Variants in PSD3 observed in about 807,000 individuals in gnomAD.
PSD3 encodes the protein PH and SEC7 domain-containing protein 3.
A neutral mutation model predicts 105.5 loss-of-function variants in PSD3; 49 were observed. The observed-to-expected ratio is 0.46, with a 90% confidence interval of 0.37 to 0.59. PSD3 has a LOEUF of 0.59. Among genes scored for constraint, PSD3 ranks in the 20% least tolerant of loss-of-function variants. PSD3 has a pLI of 0.00. For missense variants in PSD3, 1,561 were observed against 1,263.8 expected, an observed-to-expected ratio of 1.24 and a Z score of -3.57; for synonymous variants, 557 against 457.8, an observed-to-expected ratio of 1.22 and a Z score of -2.77.
At chr8:18,730,243 G>C (rs2129430882) in intron 9 of PSD3, 1 of 152,292 alleles carries the variant, frequency 6.6e-6, no homozygotes, top group East Asian at 1.9e-4. Flanking sequence ...ATGAGGACCT[G>C]ACCTTCTAGG....
At chr8:19,033,233 A>G (rs1248877614) in intron 1 of PSD3, among the ~76,000 whole-genome samples, 1 of 149,812 alleles carries the variant, frequency 6.7e-6, no homozygotes, top group Non-Finnish European at 1.5e-5. Flanking sequence ...AAAGATACAC[A>G]ACCAACATTT....
chr8:18,535,857 C>T lies in PSD3; in HGVS notation c.3030G>A (p.Ser1010=), dbSNP rs547134848. 22 of 1,614,118 alleles carry T rather than the reference C, an allele frequency of 1.4e-5. No individual in the cohort carries two copies. Among genetic ancestry groups the T allele is most frequent in the East Asian group, 2.2e-5 (1 of 44,882 alleles). Residue 1010 remains serine (S), a synonymous_variant, in exon 16 of 16, where the codon TCG becomes TCA. Coordinates refer to ENST00000327040, the MANE Select transcript of PSD3 (RefSeq NM_015310.4). The part of the protein sequence containing the change: ...SEAAGLKKSH[S]SPSLNPDTSP... ...AAGTATCCGGGTTCAGCGAAGGACT[C>T]GAGTGCGACTTCTTCAGTCCTGCAG...
chr8:18,640,585 T>C (rs1198238672), intron 10 of PSD3, among the ~76,000 whole-genome samples: 1 of 152,132 alleles, frequency 6.6e-6, no homozygotes, highest in Non-Finnish European at 1.5e-5. Flanking sequence ...CGTGTTTCCT[T>C]CCCCTTCTGC....
intron 4 of PSD3, among the ~76,000 whole-genome samples, chr8:18,846,546 A>G (rs1163664785): frequency 6.6e-6 from 1 of 152,220 alleles, no homozygotes; most frequent in Non-Finnish European, 1.5e-5. Context: ...GGGAGGTTGT[A>G]TTCCTGGCAG....
chr8:18,575,006 C>G (rs2130356032), intron 13 of PSD3, 122 bp downstream of exon 13: 2 of 927,990 alleles, frequency 2.2e-6, no homozygotes, highest in South Asian at 2.5e-5. Context: ...CTAATGTAAG[C>G]AGTTGATGAC....
chr8:19,021,465 G>A (rs942593418), intron 1 of PSD3, among the ~76,000 whole-genome samples: 2 of 150,578 alleles, frequency 1.3e-5, no homozygotes, highest in African/African-American at 4.9e-5. Context: ...CATAAATAAT[G>A]ACGTCTGGAA....
Position 18,872,520 on chromosome 8 carries a change from C to T in PSD3, c.344G>A (p.Arg115Lys), listed in dbSNP as rs118013117. 22 of 1,613,966 alleles carry T rather than the reference C, an allele frequency of 1.4e-5. No homozygotes were observed. Among genetic ancestry groups the T allele is most frequent in the Non-Finnish European group, 1.7e-5 (20 of 1,180,012 alleles). ...DSVTEGPKDV[R>K]EAPSQSHLKE... ...GAGATGACTTTGAGAGGGGGCCTCT[C>T]TGACATCTTTTGGTCCTTCTGTAAC... Residue 115 changes from arginine to lysine, a missense_variant, in exon 3 of 16, where the codon AGA becomes AAA. Arg to Lys is a conservative substitution (Grantham distance 26). Coordinates refer to ENST00000327040, the MANE Select transcript of PSD3 (RefSeq NM_015310.4).
At chr8:18,595,823 C>T (rs1374426820) in intron 12 of PSD3, among the ~76,000 whole-genome samples, 1 of 151,868 alleles carries the variant, frequency 6.6e-6, no homozygotes, top group African/African-American at 2.4e-5. Flanking sequence ...TTTCCACTCC[C>T]CACTCTCTAT....
At chr8:18,931,342 G>A (rs1162715042) in intron 2 of PSD3, among the ~76,000 whole-genome samples, 4 of 151,804 alleles carry the variant, frequency 2.6e-5, no homozygotes, top group Admixed American at 1.3e-4. Context: ...AAAAAAACAG[G>A]TAATTTTTAA....
intron 9 of PSD3, among the ~76,000 whole-genome samples, chr8:18,736,369 T>G (rs1435217825): frequency 6.6e-6 from 1 of 152,192 alleles, no homozygotes; most frequent in Non-Finnish European, 1.5e-5. Context: ...TTAATATATT[T>G]AAACACTAGA....
At chr8:19,000,777 A>G (rs2898484) in intron 1 of PSD3, 106,223 of 151,688 alleles carry the variant, frequency 0.7, 38,024 homozygotes, top group East Asian at 0.91. Context: ...CGTTAGACGA[A>G]GCTAAATATC....
chr8:18,975,068 T>C (rs1301905212), intron 1 of PSD3, among the ~76,000 whole-genome samples: 2 of 152,090 alleles, frequency 1.3e-5, no homozygotes, highest in Non-Finnish European at 2.9e-5. Flanking sequence ...GAGGTTTCAC[T>C]CCCTGCAGTG....
chr8:18,757,462 GCAAACAAA>G (rs200735183), intron 9 of PSD3, among the ~76,000 whole-genome samples: 14 of 151,876 alleles, frequency 9.2e-5, no homozygotes, highest in Admixed American at 9.2e-4. Flanking sequence ...AGACTCCGTT[GCAAACAAA>G]CAAACAAACA....
At chr8:18,625,417 GA>G in intron 11 of PSD3, among the ~76,000 whole-genome samples, 1 of 152,192 alleles carries the variant, frequency 6.6e-6, no homozygotes, top group Admixed American at 6.5e-5. Context: ...AATGTATGAG[GA>G]AGTTTGGTAT....
At chr8:18,859,027 T>C (rs1248271015) in intron 4 of PSD3, among the ~76,000 whole-genome samples, 1 of 152,138 alleles carries the variant, frequency 6.6e-6, no homozygotes, top group Non-Finnish European at 1.5e-5. Context: ...TCACTATCTA[T>C]AGTGACTACA....
intron 9 of PSD3, among the ~76,000 whole-genome samples, chr8:18,683,385 A>G (rs1800489840): frequency 6.6e-6 from 1 of 152,232 alleles, no homozygotes; most frequent in Non-Finnish European, 1.5e-5. Context: ...TAACTGAAAG[A>G]TAAAATCATA....
chr8:18,998,945 A>G (rs1417280017), intron 1 of PSD3, among the ~76,000 whole-genome samples: 1 of 151,986 alleles, frequency 6.6e-6, no homozygotes, highest in Admixed American at 6.6e-5. Flanking sequence ...GTAGATGGAC[A>G]TGGTGGGTCC....
chr8:18,658,724 G>C (rs554221763), intron 9 of PSD3, among the ~76,000 whole-genome samples: 8 of 152,158 alleles, frequency 5.3e-5, no homozygotes, highest in Admixed American at 1.3e-4. Context: ...CTACAGATTA[G>C]TTAAGATTTC....
At chr8:18,946,632 G>A (rs889636768) in intron 1 of PSD3, among the ~76,000 whole-genome samples, 4 of 151,562 alleles carry the variant, frequency 2.6e-5, no homozygotes, top group Admixed American at 6.6e-5. Flanking sequence ...AGGCACGGTG[G>A]CTCACGCCTG....
Sources: gnomAD v4.1 joint callset for allele counts (sites outside exome capture counted in the v4.1 genomes callset) on GRCh38, gnomAD v4.1.1 for gene constraint, MANE v1.5 for transcripts, NCBI Gene and HGNC (gene_info 2026-07-23, HGNC 2026-07-21) for gene names.